OFD1: variants seen among roughly 807,000 people sequenced by gnomAD.
The protein encoded by OFD1 is centriole and centriolar satellite protein OFD1.
OFD1 carries 12 observed loss-of-function variants against 81.4 expected under a neutral mutation model. That is an observed-to-expected ratio of 0.15 (90% CI 0.09 to 0.24). OFD1 has a LOEUF of 0.24. Ranked by LOEUF, OFD1 falls within the 10% of genes least tolerant of loss-of-function variation. The pLI, the probability that OFD1 is intolerant of heterozygous loss-of-function variation, is 1.00. For synonymous variants in OFD1, 256 were observed against 263.7 expected, an observed-to-expected ratio of 0.97 and a Z score of 0.28; for missense variants, 685 against 733.9, an observed-to-expected ratio of 0.93 and a Z score of 0.77.
chrX:13,735,029 C>A lies in OFD1; in HGVS notation c.-43C>A, dbSNP rs752400268. On this transcript the variant is annotated 5_prime_UTR_variant, in exon 1 of 23. Transcript: ENST00000340096. The stretch of plus-strand genomic sequence containing the variant: ...CGGGCTGGGCACTAAACTCGGGCCG[C>A]GGCGGGGCGAGCGAGGCGGGCTCCG... 8.5e-7 allele frequency: 1 copy of A among 1,180,352 alleles called. No individual in the cohort carries two copies. Among genetic ancestry groups the A allele is most frequent in the Non-Finnish European group, 1.1e-6 (1 of 882,831 alleles).
chrX:13,720,043 A>T, the OFD1 span: 1 of 790,299 alleles, frequency 1.3e-6, no homozygotes. Context: ...AAAAATGACT[A>T]ATGGGAAGTG....
At chrX:13,757,974 C>T (rs1602890349) in intron 14 of OFD1, among the ~76,000 whole-genome samples, 184 bp downstream of exon 14, 3 of 111,909 alleles carry the variant, frequency 2.7e-5, no homozygotes, top group Non-Finnish European at 3.8e-5. Flanking sequence ...ACTTTATATT[C>T]GTAATAGTAA....
intron 20 of OFD1, among the ~76,000 whole-genome samples, chrX:13,767,678 GCA>G (rs1469170652): frequency 9.0e-6 from 1 of 111,454 alleles, no homozygotes; most frequent in Non-Finnish European, 1.9e-5. Flanking sequence ...GCTTCCAGGG[GCA>G]CACACTCCCT....
the OFD1 span, chrX:13,719,857 A>G: frequency 1.8e-6 from 2 of 1,137,694 alleles, no homozygotes; most frequent in East Asian, 6.1e-5. Flanking sequence ...AATAGCATAA[A>G]AATTCTTACG....
chrX:13,722,629 C>T, the OFD1 span, among the ~76,000 whole-genome samples: 1 of 111,848 alleles, frequency 8.9e-6, no homozygotes, highest in Non-Finnish European at 1.9e-5. Flanking sequence ...GCTGCAAACA[C>T]TTAGCAAATA....
upstream of OFD1, among the ~76,000 whole-genome samples, chrX:13,730,225 G>GAA (rs772338405): frequency 3.0e-5 from 3 of 101,232 alleles, no homozygotes; most frequent in African/African-American, 7.2e-5. Context: ...AAATTTATAA[G>GAA]AAAAAAAAAA....
At chrX:13,761,052 A>G in intron 16 of OFD1, 33 bp from the exon 17 acceptor site, 2 of 1,209,293 alleles carry the variant, frequency 1.7e-6, no homozygotes, top group Non-Finnish European at 2.2e-6. Context: ...TGCAATTGGT[A>G]ATATTCTTGC....
chrX:13,739,992 G>A (rs1454493091), intron 5 of OFD1: 17 of 905,994 alleles, frequency 1.9e-5, no homozygotes, highest in Non-Finnish European at 2.3e-5. Context: ...TTTGTCTGTT[G>A]CCTGCACTAT....
chrX:13,757,984 A>G (rs2047777163), intron 14 of OFD1, among the ~76,000 whole-genome samples, 194 bp downstream of exon 14: 1 of 112,208 alleles, frequency 8.9e-6, no homozygotes, highest in Admixed American at 9.4e-5. Flanking sequence ...CGTAATAGTA[A>G]TAAAATGGAG....
intron 3 of OFD1, 25 bp downstream of exon 3, chrX:13,736,703 TG>T: frequency 8.7e-7 from 1 of 1,144,647 alleles, no homozygotes; most frequent in South Asian, 1.8e-5. Context: ...TTTCTGTTTC[TG>T]AAGTTTTTAT....
intron 20 of OFD1, among the ~76,000 whole-genome samples, chrX:13,767,750 G>A (rs1463239104): frequency 9.0e-6 from 1 of 111,720 alleles, no homozygotes; most frequent in Non-Finnish European, 1.9e-5. Flanking sequence ...CTAGCAGATG[G>A]ATTACTCTGT....
intron 18 of OFD1, 72 bp downstream of exon 18, chrX:13,762,516 C>T: frequency 1.5e-6 from 1 of 670,067 alleles, no homozygotes; most frequent in Non-Finnish European, 2.4e-6. Context: ...GAAACGTATC[C>T]ATTGGTTTAA....
the OFD1 span, chrX:13,721,971 A>G: frequency 9.1e-6 from 1 of 110,339 alleles, no homozygotes; most frequent in Non-Finnish European, 1.9e-5. Flanking sequence ...TTTTAGGGGA[A>G]AGATAAGAAA....
At chrX:13,758,173 C>G (rs1367402142) in intron 14 of OFD1, among the ~76,000 whole-genome samples, 164 bp from the exon 15 acceptor site, 1 of 110,224 alleles carries the variant, frequency 9.1e-6, no homozygotes, top group Admixed American at 9.7e-5. Context: ...TTTGTGTGTT[C>G]TGCTTGTGTT....
chrX:13,752,526 A>G (rs1349423345), intron 10 of OFD1, among the ~76,000 whole-genome samples: 2 of 112,436 alleles, frequency 1.8e-5, no homozygotes, highest in African/African-American at 6.5e-5. Context: ...CAGCTTTTTT[A>G]TCTATTGATT....
chrX:13,722,212 A>ATGGGCTTCTTACTTTCTTCAGTACATTT, the OFD1 span: 1 of 49,236 alleles, frequency 2.0e-5, no homozygotes, highest in Non-Finnish European at 3.9e-5. Context: ...CAGCAGCAAA[A>ATGGGCTTCTTACTTTCTTCAGTACATTT]AAAAAAAAAA....
At chrX:13,743,544 C>A (rs2047186494) in intron 5 of OFD1, among the ~76,000 whole-genome samples, 1 of 112,341 alleles carries the variant, frequency 8.9e-6, no homozygotes, top group Non-Finnish European at 1.9e-5. Flanking sequence ...TGACAAATTT[C>A]TCTTCCAAGT....
chrX:13,733,164 G>C (rs754295498), upstream of OFD1, among the ~76,000 whole-genome samples: 1 of 110,740 alleles, frequency 9.0e-6, no homozygotes, highest in East Asian at 2.8e-4. Context: ...TTAAACAGTG[G>C]ACAAGTGATT....
intron 10 of OFD1, 106 bp downstream of exon 10, chrX:13,751,474 GAA>G (rs3214141): frequency 4.0e-4 from 184 of 457,565 alleles, no homozygotes; most frequent in Admixed American, 1.3e-3. Context: ...TTTAGTGTTT[GAA>G]AAAAAAAAAA....
Sources: gnomAD v4.1 joint callset for allele counts (sites outside exome capture counted in the v4.1 genomes callset) on GRCh38, gnomAD v4.1.1 for gene constraint, MANE v1.5 for transcripts, NCBI Gene and HGNC (gene_info 2026-07-23, HGNC 2026-07-21) for gene names.